Variants in DOT1L observed in about 807,000 individuals in gnomAD.
DOT1L encodes the protein histone-lysine N-methyltransferase, H3 lysine-79 specific.
In DOT1L, 33 loss-of-function variants were observed where a neutral mutation model predicts 153.3. That is an observed-to-expected ratio of 0.22 (90% CI 0.16 to 0.29). The LOEUF (loss-of-function observed/expected upper bound fraction) is 0.29. Among genes scored for constraint, DOT1L ranks in the 10% least tolerant of loss-of-function variants. The pLI is 1.00. For synonymous variants in DOT1L, 1,135 were observed against 965.1 expected (o/e 1.18, Z -3.26); for missense variants, 1,847 against 2,119.9 (o/e 0.87, Z 2.53).
In DOT1L at chr19:2,217,278, C is replaced by T. The variant is rs916434030; in HGVS notation, c.2544+188C>T. On this transcript the variant is annotated intron_variant, in intron 21 of 27. Transcript: ENST00000398665. This position sits in a 1 kb window ranked among gnomAD's most constrained non-coding sequence, Gnocchi z 7.3. ...AGGACAGGTCACAGGTGACGTTGGG[C>T]AGGTGCCATGGAGGACATGGGGTTT... Among the ~76,000 whole-genome samples the T allele has an allele frequency of 1.3e-5, 2 of 152,120 alleles. No homozygotes were observed. Among genetic ancestry groups the T allele is most frequent in the South Asian group, 2.1e-4 (1 of 4,826 alleles).
rs201196352 is a variant in DOT1L at position 2,231,153 on chromosome 19, G to C, written c.*1361G>C. 2.6e-5 allele frequency: 6 copies of C among 227,838 alleles called. No individual in the cohort carries two copies. Among genetic ancestry groups the C allele is most frequent in the East Asian group, 1.9e-4 (3 of 15,904 alleles). 14.1% of individuals were successfully genotyped at this position (227,838 alleles called of 1,614,324 possible). ...GGCCTGGGTTGTCTGAGCAGTGGTG[G>C]CTCTGTGCCCTCCCTGGAGGATGGG... On this transcript the variant is annotated 3_prime_UTR_variant, in exon 28 of 28. Coordinates refer to ENST00000398665, the MANE Select transcript of DOT1L (RefSeq NM_032482.3).
chr19:2,202,604 G>A, intron 8 of DOT1L, 96 bp from the exon 9 acceptor site: 1 of 1,269,680 alleles, frequency 7.9e-7, no homozygotes, highest in Admixed American at 1.8e-5. Flanking sequence ...GGTGTGGGCA[G>A]GGCCTAGCAC....
At chr19:2,200,008 CG>C in intron 8 of DOT1L, 69 bp downstream of exon 8, 1 of 1,579,854 alleles carries the variant, frequency 6.3e-7, no homozygotes, top group South Asian at 1.1e-5. Context: ...GCCATGGCAC[CG>C]GGGACCGGGA....
chr19:2,164,909 T>C (rs1295376114), intron 1 of DOT1L, among the ~76,000 whole-genome samples: 1 of 152,226 alleles, frequency 6.6e-6, no homozygotes, highest in Non-Finnish European at 1.5e-5. Context: ...GCTTTATTTA[T>C]CCTTGGAAAT....
chr19:2,173,283 G>A (rs1300069081), intron 1 of DOT1L, among the ~76,000 whole-genome samples: 1 of 152,146 alleles, frequency 6.6e-6, no homozygotes, highest in Admixed American at 6.6e-5. Context: ...CTAGAGGGTC[G>A]GTGTCTGTCA....
Position 2,222,882 on chromosome 19 carries a change from C to CAA in DOT1L, c.3390+331_3390+332dup, listed in dbSNP as rs796228728. ...AGAGCGAGACTCCCTCTCGGGGGGA[C>CAA]AAAAAAAAACACAAAAAAAAACAGG... On this transcript the variant is annotated intron_variant, in intron 24 of 27. Coordinates refer to ENST00000398665, the MANE Select transcript of DOT1L (RefSeq NM_032482.3). This position sits in a 1 kb window ranked among gnomAD's most constrained non-coding sequence, Gnocchi z 6.5. 8.6e-6 allele frequency: 3 copies of CAA among 349,148 alleles called. No homozygotes were observed. The highest frequency in any genetic ancestry group is 5.0e-5 in the East Asian group (1 of 20,186). The allele number at this position is 349,148 out of a possible 1,614,324, so 21.6% of individuals were successfully genotyped here.
rs146141005 is a variant in DOT1L at position 2,183,424 on chromosome 19, G to A, written c.126-2431G>A. Among the ~76,000 whole-genome samples the A allele has an allele frequency of 6.1e-4, 93 of 152,316 alleles. 1 individual carries two copies. The highest frequency in any genetic ancestry group is 2.1e-3 in the African/African-American group (87 of 41,568). On this transcript the variant is annotated intron_variant, in intron 2 of 27. Transcript: ENST00000398665. ...GGCCTCAAGTGATCCACCCGCCTCGGCCTCCCGAAGTGTGGGGAGGGCTGT... is the reference window on the plus strand; with the variant it reads ...GGCCTCAAGTGATCCACCCGCCTCGACCTCCCGAAGTGTGGGGAGGGCTGT...
chr19:2,216,097 A>T (rs554050678), intron 19 of DOT1L, 184 bp from the exon 20 acceptor site: 6 of 756,240 alleles, frequency 7.9e-6, no homozygotes, highest in South Asian at 2.0e-5. Flanking sequence ...GGCCCTCCAC[A>T]TGACTTTATT....
intron 19 of DOT1L, 115 bp from the exon 20 acceptor site, chr19:2,216,166 C>T: frequency 6.9e-7 from 1 of 1,440,844 alleles, no homozygotes; most frequent in South Asian, 1.4e-5. Context: ...GTTTTTCCAT[C>T]CCACACAAGC....
In DOT1L at chr19:2,222,461, A is replaced by G; in HGVS notation, c.3292A>G (p.Ser1098Gly). Reference sequence around the variant, plus strand: ...GAAGCGAGCATCTGCGGGGACGCCCAGCTTGAGCGCAGGCGTGTCCCCCAA... The same window carrying G: ...GAAGCGAGCATCTGCGGGGACGCCCGGCTTGAGCGCAGGCGTGTCCCCCAA... ...RRKRASAGTP[S>G]LSAGVSPKRR... The change falls in exon 24 of 28, where the codon AGC becomes GGC. Residue 1098 changes from serine to glycine, a missense_variant. Ser to Gly is a moderately conservative substitution (Grantham distance 56). Coordinates refer to ENST00000398665, the MANE Select transcript of DOT1L (RefSeq NM_032482.3). The surrounding 1 kb of genome is among the most constrained non-coding windows in gnomAD (Gnocchi z 6.5). 1 of 1,606,882 alleles carries G rather than the reference A, an allele frequency of 6.2e-7. No homozygotes were observed. The highest frequency in any genetic ancestry group is 8.5e-7 in the Non-Finnish European group (1 of 1,178,658).
chr19:2,205,125 C>T (rs2023443464), intron 9 of DOT1L, among the ~76,000 whole-genome samples: 1 of 152,072 alleles, frequency 6.6e-6, no homozygotes, highest in African/African-American at 2.4e-5. Flanking sequence ...CGCCCGCCAC[C>T]ACACCTGGCT....
At position 2,190,748 on chromosome 19, in the gene DOT1L, G is replaced by A. The variant is rs2022755685; in HGVS notation, c.265-264G>A. ...CTGTGTGGTTTTGGTGGTCTTGCCA[G>A]TGGGGAGAGAGGCCCGTGGCAGGAG... On this transcript the variant is annotated intron_variant, in intron 4 of 27. Coordinates refer to ENST00000398665, the MANE Select transcript of DOT1L (RefSeq NM_032482.3). The surrounding 1 kb of genome is among the most constrained non-coding windows in gnomAD (Gnocchi z 4.8). Among the ~76,000 whole-genome samples, 1 of 152,066 alleles carries A rather than the reference G, an allele frequency of 6.6e-6. No homozygotes were observed. Among genetic ancestry groups the A allele is most frequent in the Non-Finnish European group, 1.5e-5 (1 of 67,978 alleles).
chr19:2,197,723 G>C lies in DOT1L; in HGVS notation c.652-2161G>C, dbSNP rs996136652. ...CTGGGAGCATGATTTGGGGGAAAGC[G>C]TGGCATTCTTCGTGGCTTTGGCAAC... On this transcript the variant is annotated intron_variant, in intron 7 of 27. Transcript: ENST00000398665. This position sits in a 1 kb window ranked among gnomAD's most constrained non-coding sequence, Gnocchi z 4.1. 6.6e-6 allele frequency among the ~76,000 whole-genome samples: 1 copy of C among 152,154 alleles called. No individual in the cohort carries two copies. Among genetic ancestry groups the C allele is most frequent in the African/African-American group, 2.4e-5 (1 of 41,420 alleles).
Position 2,229,793 on chromosome 19 carries a change from G to C in DOT1L, c.*1G>C. The C allele has an allele frequency of 1.9e-6, 3 of 1,613,296 alleles. No individual in the cohort carries two copies. The highest frequency in any genetic ancestry group is 2.5e-6 in the Non-Finnish European group (3 of 1,179,934). The stretch of plus-strand genomic sequence containing the variant: ...GCTGTGCCCTTCTGCAGGTAACTAG[G>C]ATTTCTACCTCAACCGCGAGACCTA... On this transcript the variant is annotated 3_prime_UTR_variant, in exon 28 of 28. Transcript: ENST00000398665.
Position 2,190,567 on chromosome 19 carries a change from T to C in DOT1L, c.265-445T>C, listed in dbSNP as rs1301726357. ...GGGGACCACCTCAGCCTGCTGCAGC[T>C]GGTGGGGAGGAAGGCGGGGTCCCAC... On this transcript the variant is annotated intron_variant, in intron 4 of 27. Coordinates refer to ENST00000398665, the MANE Select transcript of DOT1L (RefSeq NM_032482.3). The surrounding 1 kb of genome is among the most constrained non-coding windows in gnomAD (Gnocchi z 4.8). 6.6e-6 allele frequency among the ~76,000 whole-genome samples: 1 copy of C among 152,032 alleles called. No individual in the cohort carries two copies. Among genetic ancestry groups the C allele is most frequent in the Non-Finnish European group, 1.5e-5 (1 of 67,964 alleles).
In DOT1L at chr19:2,164,128, G is replaced by A; in HGVS notation, c.-57G>A. 2.5e-6 allele frequency: 1 copy of A among 406,486 alleles called. No homozygotes were observed. Among genetic ancestry groups the A allele is most frequent in the Non-Finnish European group, 3.2e-6 (1 of 313,994 alleles). 25.2% of individuals were successfully genotyped at this position (406,486 alleles called of 1,614,324 possible). A position where few individuals can be genotyped will look rare whatever the true frequency, so the allele number is the denominator to read the frequency against. On this transcript the variant is annotated 5_prime_UTR_variant, in exon 1 of 28. Coordinates refer to ENST00000398665, the MANE Select transcript of DOT1L (RefSeq NM_032482.3). ...GCCCGCCCTCCTCCGCCCACCGGCG[G>A]CCCCGCCCCTCCCCCAACCGCCCGC...
chr19:2,190,192 C>T lies in DOT1L; in HGVS notation c.264+397C>T, dbSNP rs746822049. ...CGCCTGCCTTCATCAGGCTGGATGC[C>T]GGCCTGGGCTGCACCCTTGGGCACC... is the stretch of plus-strand genomic sequence containing the variant. On this transcript the variant is annotated intron_variant, in intron 4 of 27. Coordinates refer to ENST00000398665, the MANE Select transcript of DOT1L (RefSeq NM_032482.3). The surrounding 1 kb of genome is among the most constrained non-coding windows in gnomAD (Gnocchi z 4.8). 6.6e-6 allele frequency among the ~76,000 whole-genome samples: 1 copy of T among 152,150 alleles called. No individual in the cohort carries two copies. The highest frequency in any genetic ancestry group is 2.4e-5 in the African/African-American group (1 of 41,430).
At chr19:2,170,980 T>C (rs757739662) in intron 1 of DOT1L, among the ~76,000 whole-genome samples, 1 of 152,168 alleles carries the variant, frequency 6.6e-6, no homozygotes, top group Non-Finnish European at 1.5e-5. Flanking sequence ...TCATTATTTT[T>C]GGGATAGGGT....
At chr19:2,171,462 G>A (rs538434588) in intron 1 of DOT1L, among the ~76,000 whole-genome samples, 82 of 152,262 alleles carry the variant, frequency 5.4e-4, no homozygotes, top group African/African-American at 1.9e-3. Context: ...ACCTGGTGGC[G>A]TCTAGAGACC....
Sources: gnomAD v4.1 joint callset for allele counts (sites outside exome capture counted in the v4.1 genomes callset) on GRCh38, gnomAD v4.1.1 for gene constraint, Gnocchi (gnomAD v3.1) non-coding constraint, MANE v1.5 for transcripts, NCBI Gene and HGNC (gene_info 2026-07-23, HGNC 2026-07-21) for gene names.